CSMD2: variants seen among roughly 807,000 people sequenced by gnomAD.
CSMD2 encodes CUB and Sushi multiple domains 2.
A neutral mutation model predicts 398.5 loss-of-function variants in CSMD2; 130 were observed. The observed-to-expected ratio is 0.33, with a 90% confidence interval of 0.28 to 0.38. CSMD2 has a LOEUF of 0.38. CSMD2 is among the 10% of genes least tolerant of loss of function. The pLI is 1.00. For synonymous variants in CSMD2, 1,828 were observed against 1,908.5 expected, an observed-to-expected ratio of 0.96 and a Z score of 1.10; for missense variants, 3,829 against 4,764.9, an observed-to-expected ratio of 0.80 and a Z score of 5.78.
intron 25 of CSMD2, among the ~76,000 whole-genome samples, chr1:33,666,035 A>G (rs1487737364): frequency 6.6e-6 from 1 of 152,084 alleles, no homozygotes; most frequent in Non-Finnish European, 1.5e-5. Context: ...GATTCTCCCT[A>G]CTGATTTGAA....
intron 1 of CSMD2, among the ~76,000 whole-genome samples, chr1:34,112,305 C>T (rs1287399004): frequency 6.6e-6 from 1 of 152,186 alleles, no homozygotes; most frequent in Non-Finnish European, 1.5e-5. Context: ...GCCATTTCCC[C>T]AGATGCCCAG....
chr1:34,044,796 C>T (rs745800188), intron 2 of CSMD2, among the ~76,000 whole-genome samples: 4 of 152,138 alleles, frequency 2.6e-5, no homozygotes, highest in Non-Finnish European at 5.9e-5. Context: ...GCTGTTAGCA[C>T]ATCAAACAGT....
Position 33,617,549 on chromosome 1 carries a change from A to T in CSMD2, c.5896T>A (p.Leu1966Met). Reference sequence around the variant, plus strand: ...TGGAAAGACACCACATCATTCACCAAGTAGCGCTCGCCAGTCTTCACCCCG... The same window carrying T: ...TGGAAAGACACCACATCATTCACCATGTAGCGCTCGCCAGTCTTCACCCCG... ...SNGVKTGERY[L>M]VNDVVSFQCE... is the part of the protein sequence containing the mutation. Residue 1966 changes from leucine to methionine, a missense_variant, in exon 38 of 71, where the codon TTG (leucine) becomes ATG (methionine). Around this residue, in one of 5 missense-constraint regions of CSMD2, gnomAD observed 2,001 missense variants for 2,567.1 expected, o/e 0.78. Transcript: ENST00000373381. The T allele has an allele frequency of 6.2e-7, 1 of 1,614,118 alleles. No individual in the cohort carries two copies. The highest frequency in any genetic ancestry group is 8.5e-7 in the Non-Finnish European group (1 of 1,180,014).
intron 2 of CSMD2, among the ~76,000 whole-genome samples, chr1:34,058,428 C>G (rs966431131): frequency 6.6e-6 from 1 of 152,088 alleles, no homozygotes; most frequent in African/African-American, 2.4e-5. Flanking sequence ...CCTCTACATT[C>G]CTATAGCTAT....
At chr1:33,741,300 G>A (rs899615247) in intron 14 of CSMD2, among the ~76,000 whole-genome samples, 15 of 152,102 alleles carry the variant, frequency 9.9e-5, no homozygotes, top group Admixed American at 8.5e-4. Context: ...CAGCCTCAGT[G>A]ATCATCAGTT....
chr1:33,821,524 C>G (rs117414587), intron 7 of CSMD2, among the ~76,000 whole-genome samples: 1 of 152,160 alleles, frequency 6.6e-6, no homozygotes, highest in East Asian at 1.9e-4. Flanking sequence ...TCCAGGGCAT[C>G]TGGACAGCAT....
intron 37 of CSMD2, among the ~76,000 whole-genome samples, chr1:33,617,911 A>C (rs72662033): frequency 1.3e-5 from 2 of 152,220 alleles, no homozygotes; most frequent in Non-Finnish European, 2.9e-5. Flanking sequence ...TAGGGGGCTT[A>C]GCTAGGGAGA....
At chr1:33,872,135 C>T (rs967565301) in intron 5 of CSMD2, among the ~76,000 whole-genome samples, 1 of 152,208 alleles carries the variant, frequency 6.6e-6, no homozygotes. Flanking sequence ...TGGTAGAAAG[C>T]TTAGTGCCAC....
chr1:33,676,557 G>A (rs1020289933), intron 25 of CSMD2, among the ~76,000 whole-genome samples: 1 of 152,180 alleles, frequency 6.6e-6, no homozygotes, highest in Non-Finnish European at 1.5e-5. Context: ...TAGATTCAAT[G>A]CCATCCCCAT....
At chr1:33,869,223 T>C (rs1309094687) in intron 5 of CSMD2, 1 of 152,194 alleles carries the variant, frequency 6.6e-6, no homozygotes, top group Non-Finnish European at 1.5e-5. Flanking sequence ...GACTATCAAG[T>C]GCCAACAAGG....
intron 5 of CSMD2, among the ~76,000 whole-genome samples, chr1:33,910,516 T>G (rs1274568158): frequency 6.6e-6 from 1 of 152,180 alleles, no homozygotes. Context: ...GGGCTTCCAC[T>G]CCCAGCCTGA....
chr1:33,947,939 C>T (rs1381876033), intron 3 of CSMD2, among the ~76,000 whole-genome samples: 3 of 152,192 alleles, frequency 2.0e-5, no homozygotes, highest in African/African-American at 7.2e-5. Context: ...ATTCACACAG[C>T]ATGGAACCAG....
intron 1 of CSMD2, among the ~76,000 whole-genome samples, chr1:34,114,463 C>T (rs72886047): frequency 0.02 from 3,019 of 151,998 alleles, 95 homozygotes; most frequent in African/African-American, 0.069. Flanking sequence ...TTTGGGAGGC[C>T]GAAGCAGAAG....
intron 19 of CSMD2, among the ~76,000 whole-genome samples, chr1:33,720,363 C>T (rs1557785973): frequency 6.6e-6 from 1 of 152,118 alleles, no homozygotes; most frequent in Non-Finnish European, 1.5e-5. Flanking sequence ...GTATAGAATG[C>T]ATGCTATGGG....
chr1:34,123,539 A>G (rs1301149459), intron 1 of CSMD2, among the ~76,000 whole-genome samples: 1 of 151,556 alleles, frequency 6.6e-6, no homozygotes, highest in Non-Finnish European at 1.5e-5. Context: ...GGGTTGTGGG[A>G]ACCCCAACTT....
intron 2 of CSMD2, among the ~76,000 whole-genome samples, chr1:34,077,351 G>T (rs974949775): frequency 6.7e-6 from 1 of 149,544 alleles, no homozygotes; most frequent in African/African-American, 2.5e-5. Flanking sequence ...CAGCTACTCG[G>T]GAGGCTGAGG....
chr1:33,989,656 A>G (rs1160285203), intron 3 of CSMD2, among the ~76,000 whole-genome samples: 4 of 152,204 alleles, frequency 2.6e-5, no homozygotes, highest in African/African-American at 9.6e-5. Context: ...AGTAAAAAAA[A>G]TGAATGAACT....
intron 6 of CSMD2, chr1:33,838,390 G>A (rs982753535): frequency 6.6e-6 from 1 of 152,186 alleles, no homozygotes; most frequent in East Asian, 1.9e-4. Flanking sequence ...GTTGCAGGGG[G>A]TGATCTTTCA....
chr1:33,787,670 G>A (rs1015607606), intron 12 of CSMD2, among the ~76,000 whole-genome samples: 2 of 152,170 alleles, frequency 1.3e-5, no homozygotes, highest in Non-Finnish European at 2.9e-5. Flanking sequence ...CCCTTGTGCT[G>A]GTCTAGCGTC....
Sources: gnomAD v4.1 joint callset for allele counts (sites outside exome capture counted in the v4.1 genomes callset) on GRCh38, gnomAD v4.1.1 for gene constraint, gnomAD v4.1.1 regional missense constraint, MANE v1.5 for transcripts, NCBI Gene and HGNC (gene_info 2026-07-23, HGNC 2026-07-21) for gene names.